Variants in ERCC6L2 observed in about 807,000 individuals in gnomAD.
ERCC6L2 encodes ERCC excision repair 6 like 2.
ERCC6L2 carries 77 observed loss-of-function variants against 132.0 expected under a neutral mutation model. The observed-to-expected ratio is 0.58, with a 90% CI of 0.49 to 0.71. ERCC6L2 has a LOEUF of 0.71. Ranked by LOEUF, ERCC6L2 falls within the 30% of genes least tolerant of loss-of-function variation. The pLI, the probability that ERCC6L2 is intolerant of heterozygous loss-of-function variation, is 0.00. For synonymous variants in ERCC6L2, 583 were observed against 632.4 expected (o/e 0.92, Z 1.17); for missense variants, 1,542 against 1,837.6 (o/e 0.84, Z 2.94).
intron 18 of ERCC6L2, among the ~76,000 whole-genome samples, chr9:96,007,992 G>A (rs559470867): frequency 1.3e-5 from 2 of 152,258 alleles, no homozygotes; most frequent in South Asian, 2.1e-4. Context: ...GCTGGTTGGA[G>A]TATGGCTCTC....
chr9:95,910,041 G>A (rs1042918261), intron 4 of ERCC6L2, among the ~76,000 whole-genome samples: 1 of 152,186 alleles, frequency 6.6e-6, no homozygotes, highest in African/African-American at 2.4e-5. Flanking sequence ...GGAAAACAAT[G>A]TTCTATAGTT....
At chr9:95,940,766 A>G (rs1261419255) in intron 11 of ERCC6L2, among the ~76,000 whole-genome samples, 2 of 151,952 alleles carry the variant, frequency 1.3e-5, no homozygotes, top group Non-Finnish European at 2.9e-5. Flanking sequence ...TGTTCTGTGT[A>G]TGTCATTTAA....
At chr9:96,003,719 C>G (rs1202739758) in intron 17 of ERCC6L2, among the ~76,000 whole-genome samples, 2 of 152,240 alleles carry the variant, frequency 1.3e-5, no homozygotes, top group African/African-American at 4.8e-5. Context: ...TCCCACTCAC[C>G]ACTGTGGGAC....
intron 3 of ERCC6L2, 106 bp from the exon 4 acceptor site, chr9:95,906,971 AT>A: frequency 1.4e-6 from 1 of 710,728 alleles, no homozygotes; most frequent in Non-Finnish European, 2.4e-6. Flanking sequence ...TACTAACTAG[AT>A]GTCAAAATTA....
intron 11 of ERCC6L2, among the ~76,000 whole-genome samples, chr9:95,934,750 C>T (rs1830483565): frequency 6.6e-6 from 1 of 152,064 alleles, no homozygotes; most frequent in Non-Finnish European, 1.5e-5. Context: ...TTTGGGGTAC[C>T]ATACTGCAAA....
intron 17 of ERCC6L2, among the ~76,000 whole-genome samples, chr9:95,995,194 T>A: frequency 6.6e-6 from 1 of 152,230 alleles, no homozygotes; most frequent in East Asian, 1.9e-4. Flanking sequence ...ACTTACCCTT[T>A]CATATCAAAA....
rs1445293570 is a variant in ERCC6L2, at chr9:95,921,254, T to G, written c.1238T>G (p.Leu413Arg). 9 of 1,613,632 alleles carry G rather than the reference T, an allele frequency of 5.6e-6. No individual in the cohort carries two copies. Among genetic ancestry groups the G allele is most frequent in the African/African-American group, 1.3e-5 (1 of 74,934 alleles). The part of the protein sequence containing the change: ...VLETEDVTLI[L>R]QSSEPCTCRS... ...GAAACAGAGGACGTGACTTTGATAC[T>G]TCAATCTTCTGAGCCTTGTACCTGT... The change falls in exon 7 of 19, where the codon CTT becomes CGT. Residue 413 changes from leucine (L) to arginine (R), a missense_variant. Leu to Arg is a moderately radical substitution (Grantham distance 102). Transcript: ENST00000653738.
Position 95,973,102 on chromosome 9 carries a change from C to T in ERCC6L2, c.3337+14C>T, listed in dbSNP as rs757676161. 1.5e-6 allele frequency: 2 copies of T among 1,297,330 alleles called. No homozygotes were observed. Among genetic ancestry groups the T allele is most frequent in the Admixed American group, 2.5e-5 (1 of 40,666 alleles). The allele number at this position is 1,297,330 out of a possible 1,614,324, so 80.4% of individuals were successfully genotyped here. On this transcript the variant is annotated intron_variant, in intron 16 of 18. Transcript: ENST00000653738. ...ATAAATTTTTAGGTAACTAAAGACACATTCTCAAAACTTTAAAAAGTATAT... is the reference window on the plus strand; with the variant it reads ...ATAAATTTTTAGGTAACTAAAGACATATTCTCAAAACTTTAAAAAGTATAT...
intron 4 of ERCC6L2, among the ~76,000 whole-genome samples, chr9:95,907,826 TACACACACACACAC>T (rs373670619): frequency 4.9e-5 from 2 of 40,868 alleles, no homozygotes; most frequent in African/African-American, 1.4e-4. Context: ...GGGCAAAAAC[TACACACACACACAC>T]ACACACACAC....
chr9:95,958,474 A>G (rs1831729719), intron 13 of ERCC6L2, among the ~76,000 whole-genome samples: 1 of 152,188 alleles, frequency 6.6e-6, no homozygotes, highest in Non-Finnish European at 1.5e-5. Context: ...TCCCACCAAC[A>G]GTGTAAAAGT....
At chr9:96,006,087 G>A (rs974081717) in intron 18 of ERCC6L2, among the ~76,000 whole-genome samples, 27 of 152,218 alleles carry the variant, frequency 1.8e-4, no homozygotes, top group African/African-American at 6.5e-4. Flanking sequence ...AGTAGGCAAT[G>A]TATGTATGAG....
chr9:96,030,681 G>C (rs12352763), intron 19 of ERCC6L2, among the ~76,000 whole-genome samples: 1,437 of 127,294 alleles, frequency 0.011, 34 homozygotes, highest in African/African-American at 0.042. Context: ...CAGCCTGGGC[G>C]ACAAAGCGAG....
At chr9:96,020,118 G>T (rs1834259093), downstream of ERCC6L2, 1 of 153,196 alleles carries the variant, frequency 6.5e-6, no homozygotes, top group South Asian at 2.1e-4. Context: ...GGAGGCAGAG[G>T]TTGCAGTGAA....
chr9:96,011,051 C>T (rs1834010726), intron 18 of ERCC6L2, among the ~76,000 whole-genome samples: 1 of 152,192 alleles, frequency 6.6e-6, no homozygotes, highest in African/African-American at 2.4e-5. Context: ...TCTCATGGCC[C>T]AAACTCATCA....
intron 6 of ERCC6L2, among the ~76,000 whole-genome samples, chr9:95,917,375 A>G (rs1829651159): frequency 6.6e-6 from 1 of 152,206 alleles, no homozygotes; most frequent in African/African-American, 2.4e-5. Context: ...GTAGATTACT[A>G]TGGAACTAAA....
chr9:96,030,056 A>C (rs893417054), intron 19 of ERCC6L2, among the ~76,000 whole-genome samples: 2 of 152,208 alleles, frequency 1.3e-5, no homozygotes, highest in African/African-American at 4.8e-5. Context: ...GGGGACTTGG[A>C]GAACTTTTCT....
chr9:95,910,118 A>G (rs1230950956), intron 4 of ERCC6L2, among the ~76,000 whole-genome samples: 2 of 152,172 alleles, frequency 1.3e-5, no homozygotes, highest in Non-Finnish European at 2.9e-5. Flanking sequence ...GGTGTTTTCT[A>G]TCTTTGCTGA....
At chr9:95,954,798 A>G (rs979085393) in intron 12 of ERCC6L2, 2 of 471,148 alleles carry the variant, frequency 4.2e-6, no homozygotes, top group Middle Eastern at 3.2e-4. Flanking sequence ...GCAGAATGGA[A>G]GTGAGAATGC....
intron 11 of ERCC6L2, among the ~76,000 whole-genome samples, chr9:95,934,387 TA>T (rs1178084532): frequency 6.6e-6 from 1 of 150,694 alleles, no homozygotes; most frequent in Non-Finnish European, 1.5e-5. Flanking sequence ...AAGTTTCCTT[TA>T]GAAATTTTAT....
Sources: gnomAD v4.1 joint callset for allele counts (sites outside exome capture counted in the v4.1 genomes callset) on GRCh38, gnomAD v4.1.1 for gene constraint, MANE v1.5 for transcripts, NCBI Gene and HGNC (gene_info 2026-07-23, HGNC 2026-07-21) for gene names.